The following ZNRF1 variants were observed in gnomAD, a reference collection of about 807,000 sequenced individuals.
The protein encoded by ZNRF1 is E3 ubiquitin-protein ligase ZNRF1.
Under a neutral mutation model 18.4 loss-of-function variants are expected in ZNRF1, and 3 were observed. The observed-to-expected ratio is 0.16, with a 90% confidence interval of 0.07 to 0.42. ZNRF1 has a LOEUF of 0.42. ZNRF1 is among the 10% of genes least tolerant of loss of function. ZNRF1 has a pLI of 0.99. For synonymous variants in ZNRF1, 157 were observed against 144.2 expected (o/e 1.09, Z -0.64); for missense variants, 310 against 329.8 (o/e 0.94, Z 0.47).
chr16:75,102,295 A>T (rs1294765337), intron 2 of ZNRF1, among the ~76,000 whole-genome samples: 1 of 151,924 alleles, frequency 6.6e-6, no homozygotes, highest in Non-Finnish European at 1.5e-5. Context: ...CAGCCCCACA[A>T]CCCACAAGCC....
rs1193723302 is a variant in ZNRF1 at position 75,078,232 on chromosome 16, T to G, written c.425-15340T>G. Among the ~76,000 whole-genome samples the G allele has an allele frequency of 4.6e-5, 7 of 152,030 alleles. No individual in the cohort carries two copies. The East Asian group carries it at 1.3e-3, about 29-fold the overall frequency. On this transcript the variant is annotated intron_variant, in intron 1 of 4. Coordinates refer to ENST00000335325, the MANE Select transcript of ZNRF1 (RefSeq NM_032268.5). ...AATGCTGTAGCTCTGAGCCCAGATC[T>G]CTGTTTTTCCATTATATCTGGCTGC...
chr16:75,022,541 G>A (rs2035166116), intron 1 of ZNRF1, among the ~76,000 whole-genome samples: 1 of 151,850 alleles, frequency 6.6e-6, no homozygotes, highest in Admixed American at 6.6e-5. Flanking sequence ...ACTCCAGCCT[G>A]GGCGACAAAG....
chr16:75,104,960 T>G, intron 3 of ZNRF1, 71 bp downstream of exon 3: 1 of 1,299,462 alleles, frequency 7.7e-7, no homozygotes, highest in Middle Eastern at 1.8e-4. Flanking sequence ...CTCCAGCCAT[T>G]CTGTCTCCTT....
chr16:75,023,363 C>T (rs2035178822), intron 1 of ZNRF1, among the ~76,000 whole-genome samples: 1 of 152,150 alleles, frequency 6.6e-6, no homozygotes, highest in Non-Finnish European at 1.5e-5. Flanking sequence ...TTAACAGTGA[C>T]TGGACTCCAG....
At chr16:75,030,485 C>T (rs1300320177) in intron 1 of ZNRF1, among the ~76,000 whole-genome samples, 1 of 151,990 alleles carries the variant, frequency 6.6e-6, no homozygotes, top group African/African-American at 2.4e-5. Flanking sequence ...CTATAAAACT[C>T]TTAGAAGGAA....
At chr16:75,073,023 C>G (rs1413746668) in intron 1 of ZNRF1, among the ~76,000 whole-genome samples, 1 of 152,148 alleles carries the variant, frequency 6.6e-6, no homozygotes, top group Admixed American at 6.5e-5. Flanking sequence ...GGTACAGTAG[C>G]TCACGCCTGT....
At chr16:75,064,177 T>C (rs966594144) in intron 1 of ZNRF1, among the ~76,000 whole-genome samples, 9 of 152,016 alleles carry the variant, frequency 5.9e-5, no homozygotes, top group African/African-American at 2.2e-4. Context: ...GGTGTGCACC[T>C]GTAGTCCCAG....
intron 1 of ZNRF1, among the ~76,000 whole-genome samples, chr16:75,010,595 G>A (rs1425008622): frequency 6.6e-6 from 1 of 152,044 alleles, no homozygotes; most frequent in South Asian, 2.1e-4. Context: ...ACTTGTCATA[G>A]GAGTGCTCCA....
intron 1 of ZNRF1, among the ~76,000 whole-genome samples, chr16:75,007,059 C>CTTT (rs11321828): frequency 7.2e-6 from 1 of 138,738 alleles, no homozygotes; most frequent in Non-Finnish European, 1.6e-5. Context: ...CAAGTTTAAT[C>CTTT]TTTTTTTTTT....
At chr16:75,035,178 A>T (rs1388146645) in intron 1 of ZNRF1, among the ~76,000 whole-genome samples, 1 of 123,990 alleles carries the variant, frequency 8.1e-6, no homozygotes, top group Admixed American at 9.9e-5. Context: ...AGTAGCTGGG[A>T]CTACAGGTGT....
At chr16:75,068,717 C>G (rs1438988416) in intron 1 of ZNRF1, among the ~76,000 whole-genome samples, 1 of 152,122 alleles carries the variant, frequency 6.6e-6, no homozygotes, top group African/African-American at 2.4e-5. Context: ...ATCTGTGCAA[C>G]AAGCTCCTCA....
intron 1 of ZNRF1, among the ~76,000 whole-genome samples, chr16:75,073,785 C>T (rs374921839): frequency 5.4e-4 from 82 of 152,124 alleles, no homozygotes; most frequent in African/African-American, 1.9e-3. Flanking sequence ...GTTCTGTGGC[C>T]AACATCCTCG....
chr16:75,031,123 ACT>A (rs1194890302), intron 1 of ZNRF1, among the ~76,000 whole-genome samples: 1 of 144,996 alleles, frequency 6.9e-6, no homozygotes, highest in African/African-American at 2.6e-5. Context: ...GGCGTGAGCC[ACT>A]GCGCCCCACC....
At chr16:75,031,116 G>A (rs2035297175) in intron 1 of ZNRF1, among the ~76,000 whole-genome samples, 2 of 149,910 alleles carry the variant, frequency 1.3e-5, no homozygotes, top group South Asian at 4.2e-4. Context: ...GATTACAGGC[G>A]TGAGCCACTG....
intron 1 of ZNRF1, among the ~76,000 whole-genome samples, chr16:75,046,531 G>A (rs1051300780): frequency 3.9e-5 from 6 of 152,114 alleles, no homozygotes; most frequent in East Asian, 3.9e-4. Context: ...GATTACAGGC[G>A]TGAGCCACCA....
At chr16:75,102,535 T>C (rs1334334466) in intron 2 of ZNRF1, among the ~76,000 whole-genome samples, 1 of 152,170 alleles carries the variant, frequency 6.6e-6, no homozygotes, top group East Asian at 1.9e-4. Flanking sequence ...CTGATATTTC[T>C]CCTGTGGCTT....
At chr16:75,054,541 G>A (rs12931084) in intron 1 of ZNRF1, among the ~76,000 whole-genome samples, 131,975 of 152,244 alleles carry the variant, frequency 0.87, 57,796 homozygotes, top group Non-Finnish European at 0.93. Flanking sequence ...CAGAGTGGAG[G>A]TCACTATGTG....
chr16:75,087,461 T>C (rs541979453), intron 1 of ZNRF1, among the ~76,000 whole-genome samples: 1 of 152,360 alleles, frequency 6.6e-6, no homozygotes, highest in East Asian at 1.9e-4. Flanking sequence ...GGACTCTGGC[T>C]GATCCAACTC....
chr16:75,055,038 G>A (rs777193818), intron 1 of ZNRF1, among the ~76,000 whole-genome samples: 10 of 152,138 alleles, frequency 6.6e-5, no homozygotes, highest in Non-Finnish European at 1.2e-4. Context: ...TCAGAAAGAC[G>A]GCCCTTTGTA....
Sources: allele counts gnomAD v4.1 joint callset (sites outside exome capture counted in the v4.1 genomes callset), GRCh38; gene constraint gnomAD v4.1.1; transcripts MANE v1.5; gene names NCBI Gene and HGNC (gene_info 2026-07-23, HGNC 2026-07-21).